Variants in KPNA7 observed in about 807,000 individuals in gnomAD.
KPNA7 encodes the protein importin subunit alpha-8.
Under a neutral mutation model 53.7 loss-of-function variants are expected in KPNA7, and 54 were observed. The ratio of observed to expected loss-of-function variants is 1.01; its 90% CI spans 0.81 to 1.26. The LOEUF is 1.26. KPNA7 is among the 50% of genes most tolerant of loss of function. The pLI is 0.00. For synonymous variants in KPNA7, 276 were observed against 259.3 expected, an observed-to-expected ratio of 1.06 and a Z score of -0.62; for missense variants, 640 against 644.5, an observed-to-expected ratio of 0.99 and a Z score of 0.07.
At chr7:99,152,678 G>A in the KPNA7 span, among the ~76,000 whole-genome samples, 1 of 152,168 alleles carries the variant, frequency 6.6e-6, no homozygotes, top group Non-Finnish European at 1.5e-5. Context: ...CCCAACCTTT[G>A]CTATTTAAAA....
At chr7:99,200,468 G>A (rs918660564) in intron 3 of KPNA7, among the ~76,000 whole-genome samples, 3 of 152,038 alleles carry the variant, frequency 2.0e-5, no homozygotes, top group Non-Finnish European at 2.9e-5. Context: ...TTTCCTCATA[G>A]AGTAATATTC....
chr7:99,166,285 C>CA, the KPNA7 span, among the ~76,000 whole-genome samples: 1 of 152,174 alleles, frequency 6.6e-6, no homozygotes, highest in Non-Finnish European at 1.5e-5. Flanking sequence ...TCCATGACCA[C>CA]ACTGCCTAGC....
At chr7:99,161,980 G>A in the KPNA7 span, among the ~76,000 whole-genome samples, 2 of 148,796 alleles carry the variant, frequency 1.3e-5, no homozygotes, top group African/African-American at 5.0e-5. Flanking sequence ...CACAGTCCAT[G>A]TTTCAGGAAA....
chr7:99,162,828 G>A, the KPNA7 span, among the ~76,000 whole-genome samples: 1 of 151,874 alleles, frequency 6.6e-6, no homozygotes, highest in East Asian at 1.9e-4. Context: ...ACGAATAGGG[G>A]GAAAAATGCT....
chr7:99,203,131 G>A lies in KPNA7; in HGVS notation c.176C>T (p.Ser59Phe), dbSNP rs1415357348. Reference protein sequence around the residue: ...NITSFCPDTPSEKTAKGVAVS... With the variant: ...NITSFCPDTPFEKTAKGVAVS... ...CGCCACCCCTTTGGCTGTTTTTTCA[G>A]AAGGTGTGTCAGGGCAGAAGCTCGT... The change falls in exon 3 of 11, where the codon TCT becomes TTT. Residue 59 changes from serine (S) to phenylalanine (F), a missense_variant. Physicochemically the swap from Ser to Phe is radical, Grantham distance 155 (BLOSUM62 -2). Coordinates refer to ENST00000327442, the MANE Select transcript of KPNA7 (RefSeq NM_001145715.3). 6.4e-7 allele frequency: 1 copy of A among 1,551,586 alleles called. No individual in the cohort carries two copies. Among genetic ancestry groups the A allele is most frequent in the South Asian group, 1.2e-5 (1 of 84,046 alleles).
At chr7:99,177,894 C>T (rs961657870) in intron 10 of KPNA7, 26 bp downstream of exon 10, 2 of 1,550,852 alleles carry the variant, frequency 1.3e-6, no homozygotes, top group South Asian at 2.4e-5. Context: ...CCCCTGGATA[C>T]TCCTCCACGC....
intron 6 of KPNA7, among the ~76,000 whole-genome samples, chr7:99,190,323 A>G (rs12705033): frequency 0.078 from 11,529 of 147,298 alleles, 478 homozygotes; most frequent in South Asian, 0.13. Flanking sequence ...GTGACAGAGC[A>G]AGACTCTGTC....
upstream of KPNA7, among the ~76,000 whole-genome samples, chr7:99,209,980 T>C (rs2150785004): frequency 6.6e-6 from 1 of 152,148 alleles, no homozygotes; most frequent in East Asian, 1.9e-4. Flanking sequence ...CACTCCAGCC[T>C]GGACAGCAGA....
chr7:99,181,948 G>C lies in KPNA7; in HGVS notation c.1252C>G (p.Leu418Val), dbSNP rs796976905. The change falls in exon 9 of 11, where the codon CTG (leucine) becomes GTG (valine). Residue 418 changes from leucine (L) to valine (V), a missense_variant. Leu to Val is a conservative substitution (Grantham distance 32, BLOSUM62 1). Coordinates refer to ENST00000327442, the MANE Select transcript of KPNA7 (RefSeq NM_001145715.3). Reference protein sequence around the residue: ...HSGVLEPLVNLLTAPDVKIVL... With the variant: ...HSGVLEPLVNVLTAPDVKIVL... ...ATTTTAACATCTGGGGCAGTGAGCAGATTCACCAGTGGCTCCAGGACCCCA... is the reference window on the plus strand; with the variant it reads ...ATTTTAACATCTGGGGCAGTGAGCACATTCACCAGTGGCTCCAGGACCCCA... 14 of 1,551,426 alleles carry C rather than the reference G, an allele frequency of 9.0e-6. No homozygotes were observed. In the Admixed American group the frequency reaches 2.4e-4, roughly 26 times the overall value.
chr7:99,210,996 T>C (rs1791054621), upstream of KPNA7, among the ~76,000 whole-genome samples: 1 of 151,076 alleles, frequency 6.6e-6, no homozygotes, highest in South Asian at 2.1e-4. Flanking sequence ...AAAGAGAAAA[T>C]TGGATAAAGA....
chr7:99,203,728 T>G (rs960135648), intron 2 of KPNA7, among the ~76,000 whole-genome samples: 6 of 152,100 alleles, frequency 3.9e-5, no homozygotes, highest in African/African-American at 1.2e-4. Context: ...GTTTTCTTTT[T>G]GAGATGGAGT....
chr7:99,146,172 C>A, the KPNA7 span, among the ~76,000 whole-genome samples: 1 of 152,200 alleles, frequency 6.6e-6, no homozygotes, highest in East Asian at 1.9e-4. Flanking sequence ...TGGGTGCAGG[C>A]TCCTGTTCTT....
chr7:99,160,716 A>G, the KPNA7 span, among the ~76,000 whole-genome samples: 4 of 152,072 alleles, frequency 2.6e-5, no homozygotes, highest in Non-Finnish European at 5.9e-5. Context: ...TGTCTTTTCA[A>G]ATGAGAACAA....
the KPNA7 span, among the ~76,000 whole-genome samples, chr7:99,157,796 A>G: frequency 6.6e-6 from 1 of 151,868 alleles, no homozygotes; most frequent in East Asian, 1.9e-4. Flanking sequence ...TTGTTTTTTG[A>G]TACAGGGTCT....
In KPNA7 at chr7:99,207,613, CTTTTTTTTTTTTTTTTTTTTTTT is replaced by C. The variant is rs754881370; in HGVS notation, c.-23-147_-23-125del. 4.8e-3 allele frequency: 589 copies of C among 123,018 alleles called. 6 individuals carry two copies. The highest frequency in any genetic ancestry group is 5.3e-3 in the African/African-American group (82 of 15,604). The allele number at this position is 123,018 out of a possible 1,614,324, so 7.6% of individuals were successfully genotyped here. On this transcript the variant is annotated intron_variant, in intron 1 of 10. Transcript: ENST00000327442. ...GCAAAGGGCAGACCCAGGAAGCTAGCTTTTTTTTTTTTTTTTTTTTTTTTTTTTTTTTTTTTTTTTGAGACAGA... is the reference window on the plus strand; with the variant it reads ...GCAAAGGGCAGACCCAGGAAGCTAGCTTTTTTTTTTTTTTTTTGAGACAGA...
At chr7:99,174,615 T>G (rs1798835075) in intron 10 of KPNA7, among the ~76,000 whole-genome samples, 1 of 152,156 alleles carries the variant, frequency 6.6e-6, no homozygotes, top group Non-Finnish European at 1.5e-5. Context: ...GTACCAAATC[T>G]AAGTGGAATC....
intron 3 of KPNA7, among the ~76,000 whole-genome samples, chr7:99,198,701 C>T (rs188164026): frequency 1.1e-4 from 16 of 151,958 alleles, no homozygotes; most frequent in Admixed American, 6.6e-4. Context: ...TAAAAGATTT[C>T]CCCCAAGATC....
the KPNA7 span, among the ~76,000 whole-genome samples, chr7:99,149,663 G>A: frequency 1.3e-5 from 2 of 152,200 alleles, no homozygotes; most frequent in Admixed American, 6.6e-5. Context: ...CCTCTTGAGA[G>A]CACATTTCTG....
At chr7:99,209,360 C>T (rs540102596), upstream of KPNA7, among the ~76,000 whole-genome samples, 1 of 152,188 alleles carries the variant, frequency 6.6e-6, no homozygotes, top group African/African-American at 2.4e-5. Flanking sequence ...ACCACTATCA[C>T]CTCTTACCCA....
Sources: gnomAD v4.1 joint callset for allele counts (sites outside exome capture counted in the v4.1 genomes callset) on GRCh38, gnomAD v4.1.1 for gene constraint, MANE v1.5 for transcripts, NCBI Gene and HGNC (gene_info 2026-07-23, HGNC 2026-07-21) for gene names.